The following HIPK2 variants were observed in gnomAD, a reference collection of about 807,000 sequenced individuals.
HIPK2 encodes homeodomain interacting protein kinase 2, also known as homeodomain-interacting protein kinase 2.
A neutral mutation model predicts 113.7 loss-of-function variants in HIPK2; 27 were observed. That is an observed-to-expected ratio of 0.24 (90% CI 0.17 to 0.33). The LOEUF (loss-of-function observed/expected upper bound fraction) is 0.33, where lower values mean the gene tolerates loss of function less well. HIPK2 is among the 10% of genes least tolerant of loss of function. The pLI, the probability that HIPK2 is intolerant of heterozygous loss-of-function variation, is 1.00. For missense variants in HIPK2, 1,257 were observed against 1,588.0 expected, an observed-to-expected ratio of 0.79 and a Z score of 3.54; for synonymous variants, 631 against 642.2, an observed-to-expected ratio of 0.98 and a Z score of 0.26.
At chr7:139,698,469 T>C (rs1374115594) in intron 2 of HIPK2, among the ~76,000 whole-genome samples, 1 of 152,204 alleles carries the variant, frequency 6.6e-6, no homozygotes, top group African/African-American at 2.4e-5. Context: ...TTTGGGTGTA[T>C]ACCTAGGAAT....
At chr7:139,691,666 G>C (rs1335811722) in intron 2 of HIPK2, among the ~76,000 whole-genome samples, 1 of 152,236 alleles carries the variant, frequency 6.6e-6, no homozygotes, top group Non-Finnish European at 1.5e-5. Flanking sequence ...AACCAGCTGG[G>C]ATAAGGAGGT....
intron 13 of HIPK2, 63 bp downstream of exon 13, chr7:139,583,754 G>A (rs543224524): frequency 3.2e-6 from 5 of 1,566,062 alleles, no homozygotes; most frequent in Non-Finnish European, 4.3e-6. Context: ...ATTTCTAGCA[G>A]CAGAAAAGCA....
At chr7:139,577,295 C>G (rs1416626434) in intron 13 of HIPK2, among the ~76,000 whole-genome samples, 2 of 151,738 alleles carry the variant, frequency 1.3e-5, no homozygotes, top group Non-Finnish European at 2.9e-5. Flanking sequence ...ATTACAGGCA[C>G]CCGGCACCAC....
At chr7:139,653,082 T>G (rs6972986) in intron 2 of HIPK2, among the ~76,000 whole-genome samples, 12 of 97,522 alleles carry the variant, frequency 1.2e-4, no homozygotes, top group Admixed American at 1.2e-4. Context: ...GAGGTTGCAG[T>G]GAGCCGAGAT....
At chr7:139,772,395 G>A (rs564183967) in intron 1 of HIPK2, among the ~76,000 whole-genome samples, 5 of 152,306 alleles carry the variant, frequency 3.3e-5, no homozygotes, top group Non-Finnish European at 7.4e-5. Flanking sequence ...AATAAGAAAC[G>A]TATTTGCATT....
At chr7:139,732,999 T>C (rs1158947461) in intron 1 of HIPK2, among the ~76,000 whole-genome samples, 3 of 151,936 alleles carry the variant, frequency 2.0e-5, no homozygotes, top group Non-Finnish European at 4.4e-5. Context: ...CTTGGTACTG[T>C]CCTTGCAACG....
chr7:139,758,631 G>A (rs1231510063), intron 1 of HIPK2, among the ~76,000 whole-genome samples: 1 of 152,160 alleles, frequency 6.6e-6, no homozygotes, highest in Non-Finnish European at 1.5e-5. Flanking sequence ...TCTCACAGAA[G>A]CATGAACCCT....
intron 11 of HIPK2, among the ~76,000 whole-genome samples, chr7:139,599,310 T>C (rs1008647530): frequency 6.6e-6 from 1 of 152,220 alleles, no homozygotes; most frequent in African/African-American, 2.4e-5. Flanking sequence ...AAGTGTTTGA[T>C]GAGTTTTGAC....
Position 139,714,075 on chromosome 7 carries a change from C to T in HIPK2, c.1103+1857G>A, listed in dbSNP as rs752321307. 6.6e-6 allele frequency among the ~76,000 whole-genome samples: 1 copy of T among 152,112 alleles called. No homozygotes were observed. The highest frequency in any genetic ancestry group is 1.5e-5 in the Non-Finnish European group (1 of 68,030). On this transcript the variant is annotated intron_variant, in intron 2 of 14. Coordinates refer to ENST00000406875, the MANE Select transcript of HIPK2 (RefSeq NM_022740.5). This position sits in a 1 kb window ranked among gnomAD's most constrained non-coding sequence, Gnocchi z 4.2. The stretch of plus-strand genomic sequence containing the variant: ...CACAGAGTGGATGGCCTGGTCAGGA[C>T]GAGGGAGTGGAGAGCAAGTGGAGGG...
At chr7:139,652,494 A>T (rs1023505428) in intron 2 of HIPK2, among the ~76,000 whole-genome samples, 1 of 152,258 alleles carries the variant, frequency 6.6e-6, no homozygotes, top group Non-Finnish European at 1.5e-5. Context: ...GAAGCTTATC[A>T]TCTCGTGTAC....
intron 1 of HIPK2, among the ~76,000 whole-genome samples, chr7:139,756,402 G>T (rs1569485135): frequency 6.6e-6 from 1 of 152,062 alleles, no homozygotes; most frequent in African/African-American, 2.4e-5. Context: ...AAAATTACTA[G>T]ACTTTATTTA....
At chr7:139,585,209 C>T (rs1243636472) in intron 12 of HIPK2, among the ~76,000 whole-genome samples, 2 of 152,176 alleles carry the variant, frequency 1.3e-5, no homozygotes, top group African/African-American at 4.8e-5. Context: ...TCACAGCCAC[C>T]TCCCGGGTAT....
intron 1 of HIPK2, among the ~76,000 whole-genome samples, chr7:139,724,665 A>C (rs1795516496): frequency 6.7e-6 from 1 of 148,172 alleles, no homozygotes; most frequent in African/African-American, 2.6e-5. Flanking sequence ...ATATCTCCTA[A>C]TGCTATCCCT....
At chr7:139,722,674 C>A (rs1280882688) in intron 1 of HIPK2, among the ~76,000 whole-genome samples, 1 of 151,900 alleles carries the variant, frequency 6.6e-6, no homozygotes, top group African/African-American at 2.4e-5. Flanking sequence ...ACAGGGTAAG[C>A]ATACGTCCTA....
intron 6 of HIPK2, among the ~76,000 whole-genome samples, chr7:139,621,145 T>A (rs1178340276): frequency 5.9e-5 from 9 of 152,234 alleles, no homozygotes; most frequent in Admixed American, 5.9e-4. Flanking sequence ...TAATAATTAA[T>A]AATAGTGGTT....
chr7:139,653,518 C>A (rs1418738286), intron 2 of HIPK2, among the ~76,000 whole-genome samples: 1 of 151,072 alleles, frequency 6.6e-6, no homozygotes, highest in Non-Finnish European at 1.5e-5. Flanking sequence ...CCTCTGCCTC[C>A]TGTTACAGAC....
rs112615812 is a variant in HIPK2 at position 139,711,203 on chromosome 7, G to A, written c.1103+4729C>T. On this transcript the variant is annotated intron_variant, in intron 2 of 14. Coordinates refer to ENST00000406875, the MANE Select transcript of HIPK2 (RefSeq NM_022740.5). The stretch of plus-strand genomic sequence containing the variant: ...AGCACTTTGGGAGGCCAAGGCAGGC[G>A]GATCACAAGGTCAGGAGATTGAGAT... Among the ~76,000 whole-genome samples, 1,375 of 152,126 alleles carry A rather than the reference G, an allele frequency of 9.0e-3. 6 individuals carry two copies. The highest frequency in any genetic ancestry group is 0.012 in the Non-Finnish European group (825 of 67,976).
At position 139,710,659 on chromosome 7, in the gene HIPK2, G is replaced by C. The variant is rs59935873; in HGVS notation, c.1103+5273C>G. ...ACGGGACACTCAGTAATGAATGTTT[G>C]ATGAATTGAACTGAAAATTAATCTC... On this transcript the variant is annotated intron_variant, in intron 2 of 14. Transcript: ENST00000406875. 7.3e-4 allele frequency among the ~76,000 whole-genome samples: 111 copies of C among 152,292 alleles called. No homozygotes were observed. In the East Asian group the frequency reaches 0.018, roughly 25 times the overall value.
intron 1 of HIPK2, among the ~76,000 whole-genome samples, chr7:139,773,999 G>A (rs1404886436): frequency 2.0e-5 from 3 of 152,182 alleles, no homozygotes; most frequent in Non-Finnish European, 4.4e-5. Flanking sequence ...CCTGAAACCA[G>A]CAGAAGCTCA....
Sources: allele counts gnomAD v4.1 joint callset (sites outside exome capture counted in the v4.1 genomes callset), GRCh38; gene constraint gnomAD v4.1.1; non-coding constraint Gnocchi (gnomAD v3.1); transcripts MANE v1.5; gene names NCBI Gene and HGNC (gene_info 2026-07-23, HGNC 2026-07-21).